TLK2: variants seen among roughly 807,000 people sequenced by gnomAD.
The protein encoded by TLK2 is serine/threonine-protein kinase tousled-like 2.
A neutral mutation model predicts 117.3 loss-of-function variants in TLK2; 6 were observed. That is an observed-to-expected ratio of 0.05 (90% CI 0.03 to 0.10). TLK2 has a LOEUF of 0.10. Ranked by LOEUF, TLK2 falls within the 10% of genes least tolerant of loss-of-function variation. The pLI, the probability that TLK2 is intolerant of heterozygous loss-of-function variation, is 1.00. For missense variants in TLK2, 299 were observed against 901.2 expected, an observed-to-expected ratio of 0.33 and a Z score of 8.56; for synonymous variants, 257 against 316.7, an observed-to-expected ratio of 0.81 and a Z score of 2.00.
chr17:62,540,399 A>ATTTTTTTTTT (rs1567879183), intron 7 of TLK2, among the ~76,000 whole-genome samples: 1 of 13,380 alleles, frequency 7.5e-5, no homozygotes, highest in African/African-American at 9.6e-5. Flanking sequence ...ATATGTTCAG[A>ATTTTTTTTTT]ATTTTTTTTT....
At chr17:62,520,255 T>C (rs528815252) in intron 2 of TLK2, among the ~76,000 whole-genome samples, 1 of 152,224 alleles carries the variant, frequency 6.6e-6, no homozygotes, top group East Asian at 1.9e-4. Flanking sequence ...AGAGCCCCTT[T>C]TCCACAAGTA....
At chr17:62,478,625 A>G (rs2071205371), upstream of TLK2, among the ~76,000 whole-genome samples, 1 of 150,546 alleles carries the variant, frequency 6.6e-6, no homozygotes, top group South Asian at 2.1e-4. Context: ...TCCCCTGGTT[A>G]ACCCCTGCCC....
intron 2 of TLK2, among the ~76,000 whole-genome samples, chr17:62,483,371 C>G (rs1014221639): frequency 3.3e-5 from 5 of 152,176 alleles, no homozygotes; most frequent in Non-Finnish European, 7.3e-5. Flanking sequence ...ATGTTGCTGT[C>G]TAGACCCAAC....
At chr17:62,529,062 T>G (rs531060775) in intron 6 of TLK2, among the ~76,000 whole-genome samples, 2 of 152,318 alleles carry the variant, frequency 1.3e-5, no homozygotes, top group African/African-American at 4.8e-5. Context: ...ACTCAGTGTT[T>G]AAATCTTAGG....
At chr17:62,499,742 T>A (rs1336311087) in intron 2 of TLK2, among the ~76,000 whole-genome samples, 1 of 151,746 alleles carries the variant, frequency 6.6e-6, no homozygotes, top group Non-Finnish European at 1.5e-5. Flanking sequence ...TCCCAGCTAC[T>A]CGGGAGGCTG....
At chr17:62,526,078 T>G (rs2076350288) in intron 6 of TLK2, among the ~76,000 whole-genome samples, 1 of 152,224 alleles carries the variant, frequency 6.6e-6, no homozygotes, top group Non-Finnish European at 1.5e-5. Context: ...AACTCAATGA[T>G]CTGTAGACAT....
At chr17:62,474,746 C>G (rs567930782), upstream of TLK2, among the ~76,000 whole-genome samples, 42 of 152,108 alleles carry the variant, frequency 2.8e-4, no homozygotes, top group Non-Finnish European at 1.5e-4. Context: ...AGGCTGGTCT[C>G]CAACTCCTGG....
At chr17:62,536,368 C>T (rs779961918) in intron 7 of TLK2, 31 bp downstream of exon 7, 1 of 1,587,536 alleles carries the variant, frequency 6.3e-7, no homozygotes, top group Non-Finnish European at 8.6e-7. Context: ...AATTCATATC[C>T]TTTCCATTGC....
chr17:62,575,009 T>C (rs760870820), intron 12 of TLK2, among the ~76,000 whole-genome samples: 4 of 152,228 alleles, frequency 2.6e-5, no homozygotes, highest in Non-Finnish European at 4.4e-5. Flanking sequence ...CTTTCATGAC[T>C]CCTGTGTGTA....
At chr17:62,492,093 A>G (rs1037379052) in intron 2 of TLK2, among the ~76,000 whole-genome samples, 4 of 152,210 alleles carry the variant, frequency 2.6e-5, no homozygotes, top group African/African-American at 9.6e-5. Context: ...CAGATTTGAG[A>G]TACAGGATAA....
intron 9 of TLK2, among the ~76,000 whole-genome samples, chr17:62,556,571 A>G (rs1162095518): frequency 6.6e-6 from 1 of 152,178 alleles, no homozygotes; most frequent in East Asian, 1.9e-4. Flanking sequence ...CTCAAATATA[A>G]CACGCATTCT....
chr17:62,522,175 C>T, intron 3 of TLK2, 29 bp from the exon 4 acceptor site: 1 of 1,601,640 alleles, frequency 6.2e-7, no homozygotes, highest in Non-Finnish European at 8.5e-7. Flanking sequence ...TACCAAAATG[C>T]TAATTGTGAC....
In TLK2 at chr17:62,513,425, C is replaced by A. The variant is rs548716284; in HGVS notation, c.82-7348C>A. Among the ~76,000 whole-genome samples the A allele has an allele frequency of 4.7e-5, 7 of 149,972 alleles. No individual in the cohort carries two copies. In the South Asian group the frequency reaches 1.0e-3, roughly 22 times the overall value. On this transcript the variant is annotated intron_variant, in intron 2 of 21. Transcript: ENST00000346027. ...GTAACCTTGCACTCGCACTCCTGAG[C>A]TCCCGCCTGAGCCTTCTAATTAGCT...
Position 62,597,009 on chromosome 17 carries a change from T to C in TLK2, c.1550+335T>C, listed in dbSNP as rs1442044264. On this transcript the variant is annotated intron_variant, in intron 17 of 21. Coordinates refer to ENST00000346027, the MANE Select transcript of TLK2 (RefSeq NM_006852.6). ...GTTTATTTTTGTTTTTTTTTAAACA[T>C]CTTAATTATAATTCACATACTGTAT... is the stretch of plus-strand genomic sequence containing the variant. 2.0e-5 allele frequency among the ~76,000 whole-genome samples: 3 copies of C among 152,216 alleles called. No individual in the cohort carries two copies. The East Asian group carries it at 5.8e-4, about 29-fold the overall frequency.
In TLK2 at chr17:62,505,407, A is replaced by ATTTTTTTTTTTTTTTTTTTTTTTTTTTT. The variant is rs544900638; in HGVS notation, c.82-15340_82-15339insTTTTTTTTTTTTTTTTTTTTTTTTTTTT. ...TACAGTCATGCACTACCATACCCAG[A>ATTTTTTTTTTTTTTTTTTTTTTTTTTTT]TTTTTTTTTTTTTTTTTTTTTTTTT... is the stretch of plus-strand genomic sequence containing the variant. On this transcript the variant is annotated intron_variant, in intron 2 of 21. Coordinates refer to ENST00000346027, the MANE Select transcript of TLK2 (RefSeq NM_006852.6). 5.6e-5 allele frequency among the ~76,000 whole-genome samples: 3 copies of ATTTTTTTTTTTTTTTTTTTTTTTTTTTT among 53,768 alleles called. 1 individual carries two copies. The highest frequency in any genetic ancestry group is 9.2e-5 in the African/African-American group (1 of 10,816). 35.3% of individuals were successfully genotyped at this position (53,768 alleles called of 152,430 possible). A position where few individuals can be genotyped will look rare whatever the true frequency, so the allele number is the denominator to read the frequency against.
intron 6 of TLK2, among the ~76,000 whole-genome samples, chr17:62,526,443 G>A (rs555509735): frequency 2.0e-5 from 3 of 152,262 alleles, no homozygotes; most frequent in African/African-American, 7.2e-5. Flanking sequence ...AATCAGAAGA[G>A]CATTTCCACA....
intron 2 of TLK2, among the ~76,000 whole-genome samples, chr17:62,483,358 A>G (rs1431014919): frequency 2.0e-5 from 3 of 152,188 alleles, no homozygotes; most frequent in Non-Finnish European, 4.4e-5. Context: ...AGTGACATTC[A>G]ACATGTTGCT....
chr17:62,508,732 C>T (rs770663095), intron 2 of TLK2, among the ~76,000 whole-genome samples: 9 of 152,094 alleles, frequency 5.9e-5, no homozygotes, highest in South Asian at 2.1e-4. Context: ...TTTGGGAGGC[C>T]GAGGGCAGGC....
chr17:62,483,360 C>T (rs1233758810), intron 2 of TLK2, among the ~76,000 whole-genome samples: 1 of 152,134 alleles, frequency 6.6e-6, no homozygotes, highest in Non-Finnish European at 1.5e-5. Context: ...TGACATTCAA[C>T]ATGTTGCTGT....
Sources: allele counts gnomAD v4.1 joint callset (sites outside exome capture counted in the v4.1 genomes callset), GRCh38; gene constraint gnomAD v4.1.1; transcripts MANE v1.5; gene names NCBI Gene and HGNC (gene_info 2026-07-23, HGNC 2026-07-21).